STXBP5L: variants seen among roughly 807,000 people sequenced by gnomAD.
STXBP5L encodes syntaxin-binding protein 5-like.
Under a neutral mutation model 144.5 loss-of-function variants are expected in STXBP5L, and 65 were observed. The ratio of observed to expected loss-of-function variants is 0.45; its 90% CI spans 0.37 to 0.55. The LOEUF is 0.55. Among genes scored for constraint, STXBP5L ranks in the 20% least tolerant of loss-of-function variants. The pLI is 0.00. For synonymous variants in STXBP5L, 505 were observed against 469.6 expected (o/e 1.08, Z -0.97); for missense variants, 1,298 against 1,405.5 (o/e 0.92, Z 1.22).
At chr3:121,187,839 G>T (rs914993028) in intron 9 of STXBP5L, among the ~76,000 whole-genome samples, 4 of 151,702 alleles carry the variant, frequency 2.6e-5, no homozygotes, top group Non-Finnish European at 4.4e-5. Flanking sequence ...ATAAAGGGAT[G>T]GAGGAATATT....
rs539498701 is a variant in STXBP5L, at chr3:121,344,169, A to T, written c.2176+25629A>T. On this transcript the variant is annotated intron_variant, in intron 20 of 26. Transcript: ENST00000471454. ...GGGGAAAGGATTCCGTATTTAATAA[A>T]TGGTGCTGGGAAAACTGGCTAGCCA... Among the ~76,000 whole-genome samples the T allele has an allele frequency of 3.9e-4, 59 of 152,264 alleles. No individual in the cohort carries two copies. In the East Asian group the frequency reaches 9.6e-3, roughly 25 times the overall value.
At chr3:121,020,176 C>T (rs1003438372) in intron 3 of STXBP5L, among the ~76,000 whole-genome samples, 2 of 152,060 alleles carry the variant, frequency 1.3e-5, no homozygotes, top group African/African-American at 4.8e-5. Context: ...GAAGAAAGAA[C>T]TTCAGAACTT....
chr3:121,357,618 T>C (rs2045569305), intron 20 of STXBP5L: 1 of 152,226 alleles, frequency 6.6e-6, no homozygotes, highest in Admixed American at 6.5e-5. Flanking sequence ...TGTTCTTTAC[T>C]GATGCTTCAG....
intron 22 of STXBP5L, among the ~76,000 whole-genome samples, chr3:121,387,505 C>T (rs1235372375): frequency 6.6e-6 from 1 of 152,106 alleles, no homozygotes; most frequent in Non-Finnish European, 1.5e-5. Flanking sequence ...ATGGTATTGC[C>T]TAGGTTTTCT....
At chr3:121,084,061 C>T (rs542482879) in intron 5 of STXBP5L, among the ~76,000 whole-genome samples, 2 of 151,496 alleles carry the variant, frequency 1.3e-5, no homozygotes, top group Non-Finnish European at 2.9e-5. Flanking sequence ...TATCTCTATT[C>T]TTTTTGTTTT....
At chr3:121,180,878 AG>A (rs767497373) in intron 9 of STXBP5L, among the ~76,000 whole-genome samples, 1 of 148,950 alleles carries the variant, frequency 6.7e-6, no homozygotes, top group Non-Finnish European at 1.5e-5. Context: ...TGACTTGAAA[AG>A]AAAAAGAAGA....
intron 20 of STXBP5L, among the ~76,000 whole-genome samples, chr3:121,319,020 G>C (rs746487990): frequency 2.0e-5 from 3 of 152,012 alleles, no homozygotes; most frequent in Admixed American, 6.6e-5. Context: ...AAGACAAAGT[G>C]TGCACCCATT....
chr3:121,138,722 T>G (rs933041628), intron 7 of STXBP5L, among the ~76,000 whole-genome samples: 1 of 152,000 alleles, frequency 6.6e-6, no homozygotes, highest in Non-Finnish European at 1.5e-5. Context: ...AAGAATGACA[T>G]GAGACACTCT....
intron 19 of STXBP5L, among the ~76,000 whole-genome samples, chr3:121,305,794 A>C (rs976983310): frequency 2.0e-5 from 3 of 152,192 alleles, no homozygotes; most frequent in Non-Finnish European, 4.4e-5. Context: ...TAGTAAGGAC[A>C]AAAAGCAAGA....
chr3:121,147,026 C>G (rs1310803623), intron 7 of STXBP5L, among the ~76,000 whole-genome samples: 1 of 152,026 alleles, frequency 6.6e-6, no homozygotes, highest in Non-Finnish European at 1.5e-5. Context: ...TAACAAACCT[C>G]TTCCAGTCAC....
intron 20 of STXBP5L, among the ~76,000 whole-genome samples, chr3:121,346,451 C>A (rs980276386): frequency 1.3e-5 from 2 of 152,034 alleles, no homozygotes; most frequent in East Asian, 3.9e-4. Flanking sequence ...ATTTATAATC[C>A]TTTGGGTATA....
At chr3:121,298,374 C>T (rs915783859) in intron 19 of STXBP5L, among the ~76,000 whole-genome samples, 3 of 152,064 alleles carry the variant, frequency 2.0e-5, no homozygotes, top group African/African-American at 7.2e-5. Context: ...GTAAAACTTC[C>T]AGAAGAAAAT....
At chr3:121,235,905 T>G (rs1352251363) in intron 12 of STXBP5L, among the ~76,000 whole-genome samples, 1 of 151,716 alleles carries the variant, frequency 6.6e-6, no homozygotes, top group Non-Finnish European at 1.5e-5. Context: ...AATTTTTAAT[T>G]AAGTTCCTAA....
At chr3:121,006,023 A>G (rs1442606032) in intron 3 of STXBP5L, among the ~76,000 whole-genome samples, 1 of 152,278 alleles carries the variant, frequency 6.6e-6, no homozygotes, top group African/African-American at 2.4e-5. Context: ...AAGAATGTGT[A>G]TTCTGATGAT....
At chr3:121,331,178 T>C (rs1475015074) in intron 20 of STXBP5L, among the ~76,000 whole-genome samples, 3 of 152,168 alleles carry the variant, frequency 2.0e-5, no homozygotes, top group Non-Finnish European at 2.9e-5. Flanking sequence ...TACCAAACTT[T>C]CCACATGTGG....
At chr3:121,411,081 A>G (rs1413519440) in intron 23 of STXBP5L, among the ~76,000 whole-genome samples, 2 of 152,106 alleles carry the variant, frequency 1.3e-5, no homozygotes, top group Admixed American at 1.3e-4. Context: ...AAGTGCTATA[A>G]CAGATCATCT....
At chr3:121,332,894 G>A (rs966610383) in intron 20 of STXBP5L, among the ~76,000 whole-genome samples, 4 of 152,032 alleles carry the variant, frequency 2.6e-5, no homozygotes, top group Non-Finnish European at 5.9e-5. Flanking sequence ...ACCTATACAG[G>A]AAAACCAGAA....
intron 5 of STXBP5L, among the ~76,000 whole-genome samples, chr3:121,047,107 T>A (rs766442136): frequency 6.6e-6 from 1 of 152,178 alleles, no homozygotes; most frequent in Non-Finnish European, 1.5e-5. Context: ...TTTCATTGTT[T>A]ACCCAAAAGT....
In STXBP5L at chr3:121,041,703, C is replaced by T. The variant is rs779254023; in HGVS notation, c.291C>T (p.Leu97=). Residue 97 remains leucine, a synonymous_variant, in exon 4 of 27, where the codon CTC becomes CTT. Coordinates refer to ENST00000471454, the MANE Select transcript of STXBP5L (RefSeq NM_001308330.2). ...IGTRTGAIRI[L]GRPGVDCYCQ... ...TCCTTGACTTTTATTATATTAGACT[C>T]GGGAGACCTGGTGTTGATTGCTATT... 474 of 1,610,796 alleles carry T rather than the reference C, an allele frequency of 2.9e-4. 1 individual carries two copies. Among genetic ancestry groups the T allele is most frequent in the Non-Finnish European group, 3.6e-4 (422 of 1,177,642 alleles).
Sources: allele counts gnomAD v4.1 joint callset (sites outside exome capture counted in the v4.1 genomes callset), GRCh38; gene constraint gnomAD v4.1.1; transcripts MANE v1.5; gene names NCBI Gene and HGNC (gene_info 2026-07-23, HGNC 2026-07-21).